PCTP: variants seen among roughly 807,000 people sequenced by gnomAD.
PCTP encodes START domain-containing protein 2.
PCTP carries 27 observed loss-of-function variants against 31.0 expected under a neutral mutation model. The observed-to-expected ratio is 0.87, with a 90% confidence interval of 0.64 to 1.20. PCTP has a LOEUF of 1.20. Ranked by LOEUF, PCTP falls within the 50% of genes most tolerant of loss-of-function variation. The pLI is 0.00. For missense variants in PCTP, 287 were observed against 268.2 expected (o/e 1.07, Z -0.49); for synonymous variants, 108 against 101.2 (o/e 1.07, Z -0.40).
chr17:55,767,403 C>T lies in PCTP; in HGVS notation c.210C>T (p.Asp70=), dbSNP rs1487187693. ...ACTGCTCACCAACTCTACTGGCAGA[C>T]ATCTATATGGACTCAGATTACAGAA... ...LEDCSPTLLA[D]IYMDSDYRKQ... The change falls in exon 2 of 6, where the codon GAC becomes GAT. Residue 70 remains aspartate, a synonymous_variant. Transcript: ENST00000268896. The T allele has an allele frequency of 3.1e-6, 5 of 1,613,216 alleles. No homozygotes were observed. Among genetic ancestry groups the T allele is most frequent in the Non-Finnish European group, 4.2e-6 (5 of 1,179,302 alleles).
intron 2 of PCTP, among the ~76,000 whole-genome samples, chr17:55,785,016 A>G (rs952108823): frequency 6.1e-5 from 9 of 148,586 alleles, no homozygotes; most frequent in Non-Finnish European, 1.1e-4. Flanking sequence ...GCTCCCAATA[A>G]TCCCCACATC....
chr17:55,769,560 A>T (rs746630481), intron 2 of PCTP: 2 of 152,188 alleles, frequency 1.3e-5, no homozygotes, highest in Non-Finnish European at 2.9e-5. Flanking sequence ...TGAGTCTCTG[A>T]TGTTTGCTCC....
chr17:55,759,727 A>G (rs1456514511), intron 1 of PCTP, among the ~76,000 whole-genome samples: 1 of 152,192 alleles, frequency 6.6e-6, no homozygotes, highest in African/African-American at 2.4e-5. Context: ...TTAGTGGTGT[A>G]AATTCAGATA....
At chr17:55,804,091 C>G (rs528186369) in intron 3 of PCTP, among the ~76,000 whole-genome samples, 3 of 152,176 alleles carry the variant, frequency 2.0e-5, no homozygotes, top group African/African-American at 7.2e-5. Context: ...ATTTATGCAG[C>G]CAACAAACAT....
chr17:55,777,158 T>C lies in PCTP; in HGVS notation c.*1058T>C, dbSNP rs1911379517. 1 of 985,774 alleles carries C rather than the reference T, an allele frequency of 1.0e-6. No individual in the cohort carries two copies. Among genetic ancestry groups the C allele is most frequent in the Non-Finnish European group, 1.2e-6 (1 of 829,876 alleles). 61.1% of individuals were successfully genotyped at this position (985,774 alleles called of 1,614,324 possible). ...TTCTATGCTTTCTCCTGAATTTTGG[T>C]AGGGTAAGGTATTTCTATGTCAAAG... On this transcript the variant is annotated 3_prime_UTR_variant, in exon 6 of 6. Transcript: ENST00000268896.
At chr17:55,852,553 T>C in the PCTP span, among the ~76,000 whole-genome samples, 1 of 152,224 alleles carries the variant, frequency 6.6e-6, no homozygotes, top group Non-Finnish European at 1.5e-5. Context: ...ATAGTTAATT[T>C]ATATGTTCTC....
intron 2 of PCTP, among the ~76,000 whole-genome samples, chr17:55,782,602 G>T (rs565130407): frequency 6.6e-6 from 1 of 152,168 alleles, no homozygotes; most frequent in South Asian, 2.1e-4. Flanking sequence ...AGGCTTCTTT[G>T]ATCCTAGATC....
At chr17:55,819,010 CAAAAAAAAAA>C (rs56823756) in intron 3 of PCTP, among the ~76,000 whole-genome samples, 13 of 51,098 alleles carry the variant, frequency 2.5e-4, no homozygotes, top group Admixed American at 8.8e-4. Flanking sequence ...GGAAAGAAAT[CAAAAAAAAAA>C]AAAAAAAAAA....
the PCTP span, among the ~76,000 whole-genome samples, chr17:55,850,359 G>T: frequency 7.4e-4 from 112 of 152,098 alleles, 1 homozygote; most frequent in African/African-American, 2.7e-3. Context: ...TTATTAAACT[G>T]CTTTTTGTAT....
At chr17:55,803,637 T>G (rs1912465154) in intron 3 of PCTP, among the ~76,000 whole-genome samples, 1 of 152,128 alleles carries the variant, frequency 6.6e-6, no homozygotes, top group Non-Finnish European at 1.5e-5. Context: ...TAAATGGTGC[T>G]GGGAAAACTG....
intron 1 of PCTP, among the ~76,000 whole-genome samples, chr17:55,763,312 T>TGGAACTGGTGAGA (rs1425779461): frequency 9.1e-4 from 139 of 152,314 alleles, no homozygotes; most frequent in African/African-American, 3.2e-3. Flanking sequence ...GATGCTCCTT[T>TGGAACTGGTGAGA]GGAACTGGTG....
intron 5 of PCTP, among the ~76,000 whole-genome samples, chr17:55,838,693 A>G (rs968664692): frequency 2.3e-4 from 35 of 152,236 alleles, no homozygotes; most frequent in Admixed American, 6.5e-5. Flanking sequence ...TGAATATCTA[A>G]TGTGAACCAA....
intron 3 of PCTP, among the ~76,000 whole-genome samples, chr17:55,819,795 G>C (rs775569539): frequency 3.4e-4 from 52 of 152,198 alleles, no homozygotes; most frequent in Non-Finnish European, 5.7e-4. Flanking sequence ...TAATCAAGAT[G>C]GTGTTGTACT....
intron 3 of PCTP, among the ~76,000 whole-genome samples, chr17:55,794,299 G>GTCT (rs74276699): frequency 0.21 from 31,922 of 151,386 alleles, 3,917 homozygotes; most frequent in African/African-American, 0.35. Flanking sequence ...ATGTCCAATA[G>GTCT]TCTTCTTCTT....
At chr17:55,778,816 G>A (rs1911458115), downstream of PCTP, among the ~76,000 whole-genome samples, 1 of 152,192 alleles carries the variant, frequency 6.6e-6, no homozygotes, top group African/African-American at 2.4e-5. Flanking sequence ...TAGCACTACT[G>A]TTGGTGGTAA....
chr17:55,809,311 A>G (rs9908796), intron 3 of PCTP, among the ~76,000 whole-genome samples: 6,447 of 152,238 alleles, frequency 0.042, 444 homozygotes, highest in African/African-American at 0.14. Context: ...GTTTCTTTAT[A>G]TATGATATTA....
At chr17:55,830,887 A>C (rs530101806) in intron 5 of PCTP, among the ~76,000 whole-genome samples, 1 of 152,272 alleles carries the variant, frequency 6.6e-6, no homozygotes, top group African/African-American at 2.4e-5. Context: ...GCAGCAGTAT[A>C]ATAGTCCTGC....
rs771392779 is a variant in PCTP, at chr17:55,773,799, T to A, written c.415T>A (p.Ser139Thr). Reference sequence around the variant, plus strand: ...CCATGTGATCCTGGCCCGGAGCACCTCCATGCCTCAGCTTGGCGAGAGGTC... The same window carrying A: ...CCATGTGATCCTGGCCCGGAGCACCACCATGCCTCAGCTTGGCGAGAGGTC... ...KIHVILARST[S>T]MPQLGERSGV... Residue 139 changes from serine (S) to threonine (T), a missense_variant, in exon 4 of 6, where the codon TCC (serine) becomes ACC (threonine). Physicochemically the swap from Ser to Thr is moderately conservative, Grantham distance 58 (BLOSUM62 1). Transcript: ENST00000268896. The A allele has an allele frequency of 6.2e-7, 1 of 1,613,836 alleles. No homozygotes were observed. Among genetic ancestry groups the A allele is most frequent in the East Asian group, 2.2e-5 (1 of 44,858 alleles).
chr17:55,837,261 C>A (rs1905808588), intron 5 of PCTP, among the ~76,000 whole-genome samples: 1 of 152,160 alleles, frequency 6.6e-6, no homozygotes, highest in African/African-American at 2.4e-5. Flanking sequence ...AACAAGATTT[C>A]AGACAATGGC....
Sources: gnomAD v4.1 joint callset for allele counts (sites outside exome capture counted in the v4.1 genomes callset) on GRCh38, gnomAD v4.1.1 for gene constraint, MANE v1.5 for transcripts, NCBI Gene and HGNC (gene_info 2026-07-23, HGNC 2026-07-21) for gene names.